Variants in ZNF704 observed in about 807,000 individuals in gnomAD.
ZNF704 encodes zinc finger protein 704.
Under a neutral mutation model 44.7 loss-of-function variants are expected in ZNF704, and 10 were observed. The ratio of observed to expected loss-of-function variants is 0.22; its 90% CI spans 0.14 to 0.38. ZNF704 has a LOEUF of 0.38. ZNF704 is among the 10% of genes least tolerant of loss of function. The pLI, the probability that ZNF704 is intolerant of heterozygous loss-of-function variation, is 1.00. For missense variants in ZNF704, 390 were observed against 545.5 expected (o/e 0.71, Z 2.84); for synonymous variants, 211 against 207.6 (o/e 1.02, Z -0.14).
rs1421160876 is a variant in ZNF704, at chr8:80,632,112, TAA to T, written c.*9252_*9253del. 6.6e-6 allele frequency: 1 copy of T among 152,206 alleles called. No homozygotes were observed. Among genetic ancestry groups the T allele is most frequent in the East Asian group, 1.9e-4 (1 of 5,204 alleles). 9.4% of individuals were successfully genotyped at this position (152,206 alleles called of 1,614,324 possible). ...GTTTCTTGAGTGCTGGTTTTCCTCT[TAA>T]GTCAAGGATGTAGAGAGAATTCAGA... On this transcript the variant is annotated 3_prime_UTR_variant, in exon 9 of 9. Transcript: ENST00000327835.
chr8:80,713,285 A>C (rs757537941), intron 2 of ZNF704, among the ~76,000 whole-genome samples: 1 of 152,192 alleles, frequency 6.6e-6, no homozygotes, highest in Non-Finnish European at 1.5e-5. Flanking sequence ...CATACTGTTG[A>C]CGTGTTACTG....
chr8:80,681,367 C>A (rs1319532152), intron 4 of ZNF704, among the ~76,000 whole-genome samples: 1 of 152,182 alleles, frequency 6.6e-6, no homozygotes, highest in African/African-American at 2.4e-5. Context: ...CTGTTGCCAA[C>A]ATTTGGTATT....
At chr8:80,864,161 G>A (rs1809114646) in intron 1 of ZNF704, among the ~76,000 whole-genome samples, 1 of 152,018 alleles carries the variant, frequency 6.6e-6, no homozygotes, top group South Asian at 2.1e-4. Context: ...GCTTTATGAG[G>A]AAAAATATGT....
intron 2 of ZNF704, 84 bp downstream of exon 2, chr8:80,821,290 G>T: frequency 7.3e-7 from 1 of 1,366,200 alleles, no homozygotes; most frequent in East Asian, 2.3e-5. Context: ...ATATACTGAA[G>T]AGAGTCTGTA....
chr8:80,876,325 A>G (rs1809355633), upstream of ZNF704, among the ~76,000 whole-genome samples: 1 of 152,242 alleles, frequency 6.6e-6, no homozygotes, highest in Non-Finnish European at 1.5e-5. Context: ...GGGGCTAGCC[A>G]ATAAGTGAAT....
At chr8:80,764,710 T>C (rs1807198127) in intron 2 of ZNF704, among the ~76,000 whole-genome samples, 1 of 152,256 alleles carries the variant, frequency 6.6e-6, no homozygotes, top group African/African-American at 2.4e-5. Flanking sequence ...TTGGCCATTG[T>C]AATTAAGTGA....
At chr8:80,848,956 T>C (rs887899909) in intron 1 of ZNF704, among the ~76,000 whole-genome samples, 2 of 152,132 alleles carry the variant, frequency 1.3e-5, no homozygotes, top group Non-Finnish European at 2.9e-5. Context: ...TTTTCCACTA[T>C]GCCACACTCC....
intron 1 of ZNF704, among the ~76,000 whole-genome samples, chr8:80,831,652 A>C (rs1808474732): frequency 6.6e-6 from 1 of 152,230 alleles, no homozygotes; most frequent in South Asian, 2.1e-4. Context: ...TGGTAAGGGC[A>C]AGAGAAAGAA....
intron 2 of ZNF704, among the ~76,000 whole-genome samples, chr8:80,742,767 T>C (rs577187123): frequency 2.6e-5 from 4 of 152,146 alleles, no homozygotes; most frequent in Admixed American, 2.6e-4. Context: ...GACCCCTGCA[T>C]GACCCCTACT....
chr8:80,762,153 C>A (rs1374257940), intron 2 of ZNF704, among the ~76,000 whole-genome samples: 2 of 152,128 alleles, frequency 1.3e-5, no homozygotes, highest in East Asian at 1.9e-4. Flanking sequence ...AATCTTGACA[C>A]AATTTATACC....
At chr8:80,860,293 T>G (rs776007371) in intron 1 of ZNF704, among the ~76,000 whole-genome samples, 1 of 152,176 alleles carries the variant, frequency 6.6e-6, no homozygotes, top group Non-Finnish European at 1.5e-5. Flanking sequence ...ACCTACCTCA[T>G]TGACCGCTGT....
chr8:80,774,064 TG>T lies in ZNF704; in HGVS notation c.221+47309del, dbSNP rs201466522. Among the ~76,000 whole-genome samples the T allele has an allele frequency of 2.6e-3, 372 of 144,966 alleles. 1 individual carries two copies. Among genetic ancestry groups the T allele is most frequent in the Non-Finnish European group, 3.4e-3 (228 of 66,730 alleles). On this transcript the variant is annotated intron_variant, in intron 2 of 8. Transcript: ENST00000327835. ...ATTTAAATCTTCTTTTTTTTTTTTT[TG>T]GATACAGGGTCTCACTCTGTTGCGC...
At chr8:80,867,370 A>G in intron 1 of ZNF704, among the ~76,000 whole-genome samples, 1 of 151,914 alleles carries the variant, frequency 6.6e-6, no homozygotes, top group East Asian at 1.9e-4. Context: ...TCAACCCACA[A>G]CTCTAAGGGA....
intron 4 of ZNF704, among the ~76,000 whole-genome samples, chr8:80,683,510 G>A (rs1818487117): frequency 6.6e-6 from 1 of 152,158 alleles, no homozygotes; most frequent in Non-Finnish European, 1.5e-5. Context: ...TTTCTCCTCT[G>A]TGGGCTGAAG....
upstream of ZNF704, among the ~76,000 whole-genome samples, chr8:80,879,748 T>G (rs994919960): frequency 2.6e-5 from 4 of 152,244 alleles, no homozygotes; most frequent in Non-Finnish European, 1.5e-5. Context: ...TTTTATTATT[T>G]GTATTAACCT....
At chr8:80,694,965 C>T (rs1258082582) in intron 2 of ZNF704, among the ~76,000 whole-genome samples, 2 of 152,104 alleles carry the variant, frequency 1.3e-5, no homozygotes, top group East Asian at 1.9e-4. Flanking sequence ...CCACTCCATA[C>T]AAAGTTTTCA....
chr8:80,669,828 C>G (rs1198218596), intron 5 of ZNF704, among the ~76,000 whole-genome samples: 2 of 152,134 alleles, frequency 1.3e-5, no homozygotes, highest in Non-Finnish European at 2.9e-5. Context: ...ACCACTGCCC[C>G]CCTGGGGTGA....
chr8:80,702,131 T>G (rs1299359785), intron 2 of ZNF704, among the ~76,000 whole-genome samples: 1 of 152,016 alleles, frequency 6.6e-6, no homozygotes, highest in African/African-American at 2.4e-5. Flanking sequence ...CCAATGGAAG[T>G]AGCTTTAGAC....
intron 1 of ZNF704, among the ~76,000 whole-genome samples, chr8:80,842,939 G>A (rs1458391720): frequency 1.3e-5 from 2 of 152,146 alleles, no homozygotes; most frequent in Non-Finnish European, 1.5e-5. Flanking sequence ...CTTCACAGGG[G>A]ACAAGCCTGC....
Sources: gnomAD v4.1 joint callset for allele counts (sites outside exome capture counted in the v4.1 genomes callset) on GRCh38, gnomAD v4.1.1 for gene constraint, MANE v1.5 for transcripts, NCBI Gene and HGNC (gene_info 2026-07-23, HGNC 2026-07-21) for gene names.